SCRN1: variants seen among roughly 807,000 people sequenced by gnomAD.
SCRN1 encodes secernin 1.
SCRN1 carries 19 observed loss-of-function variants against 43.3 expected under a neutral mutation model. The ratio of observed to expected loss-of-function variants is 0.44; its 90% CI spans 0.31 to 0.64. The LOEUF is 0.64. Ranked by LOEUF, SCRN1 falls within the 30% of genes least tolerant of loss-of-function variation. SCRN1 has a pLI of 0.09. For missense variants in SCRN1, 447 were observed against 524.1 expected (o/e 0.85, Z 1.44); for synonymous variants, 183 against 188.9 (o/e 0.97, Z 0.26).
intron 4 of SCRN1, 27 bp downstream of exon 4, chr7:29,943,950 A>G (rs774200622): frequency 1.2e-6 from 2 of 1,611,426 alleles, no homozygotes; most frequent in South Asian, 2.2e-5. Context: ...CTGTCCTCAG[A>G]ACTCTCCATC....
intron 3 of SCRN1, chr7:29,947,298 C>G (rs907519524): frequency 1.7e-5 from 26 of 1,550,698 alleles, no homozygotes; most frequent in South Asian, 2.4e-5. Flanking sequence ...TCACCCTGCC[C>G]GTTCCTGAAA....
intron 3 of SCRN1, among the ~76,000 whole-genome samples, chr7:29,945,617 T>C (rs1326071428): frequency 2.6e-5 from 4 of 152,138 alleles, no homozygotes; most frequent in Admixed American, 2.6e-4. Context: ...TTTCTGGAGG[T>C]AGAACACTGT....
At chr7:29,967,174 A>AACAC (rs142917231) in intron 2 of SCRN1, among the ~76,000 whole-genome samples, 191 of 148,362 alleles carry the variant, frequency 1.3e-3, no homozygotes, top group African/African-American at 4.1e-3. Flanking sequence ...CTACCATCTA[A>AACAC]ACACACACAC....
rs1787337584 is a variant in SCRN1, at chr7:29,936,624, C to T, written c.837G>A (p.Val279=). 1.2e-6 allele frequency: 2 copies of T among 1,608,150 alleles called. No individual in the cohort carries two copies. Among genetic ancestry groups the T allele is most frequent in the African/African-American group, 1.3e-5 (1 of 74,890 alleles). The change falls in exon 6 of 8, where the codon GTG becomes GTA. Residue 279 remains valine, a synonymous_variant. Coordinates refer to ENST00000242059, the MANE Select transcript of SCRN1 (RefSeq NM_014766.5). ...SEFFLTTASG[V]SVLPQNRSSP... Reference sequence around the variant, plus strand: ...AGCTTCTATTCTGCGGCAGGACAGACACTCCACTGGCTGTGGTGAGGAAAA... The same window carrying T: ...AGCTTCTATTCTGCGGCAGGACAGATACTCCACTGGCTGTGGTGAGGAAAA...
At chr7:29,983,389 A>C (rs1318050645) in intron 1 of SCRN1, among the ~76,000 whole-genome samples, 2 of 151,968 alleles carry the variant, frequency 1.3e-5, no homozygotes, top group East Asian at 3.9e-4. Context: ...CCGGCATGGC[A>C]CATGTATACA....
At chr7:29,971,543 G>A (rs943240797) in intron 1 of SCRN1, among the ~76,000 whole-genome samples, 1 of 151,760 alleles carries the variant, frequency 6.6e-6, no homozygotes, top group African/African-American at 2.4e-5. Context: ...TGAGGAGGGA[G>A]GATCATTTGA....
At position 29,936,705 on chromosome 7, in the gene SCRN1, C is replaced by A; in HGVS notation, c.756G>T (p.Gln252His). 6.4e-7 allele frequency: 1 copy of A among 1,553,830 alleles called. No homozygotes were observed. Among genetic ancestry groups the A allele is most frequent in the Non-Finnish European group, 8.8e-7 (1 of 1,137,992 alleles). ...LEKQEESITV[Q>H]TMMNTLRDKA... ...TGTCCCGTAAGGTGTTCATCATAGT[C>A]TGCACTGTGATGCTTTCTGCAAAAA... Residue 252 changes from glutamine to histidine, a missense_variant, in exon 6 of 8, where the codon CAG (glutamine) becomes CAT (histidine). Coordinates refer to ENST00000242059, the MANE Select transcript of SCRN1 (RefSeq NM_014766.5).
chr7:29,926,403 TCGCC>T lies in SCRN1; in HGVS notation c.1086+45_1086+48del, dbSNP rs753956761. 7 of 1,592,060 alleles carry T rather than the reference TCGCC, an allele frequency of 4.4e-6. No homozygotes were observed. The Admixed American group carries it at 1.0e-4, about 23-fold the overall frequency. On this transcript the variant is annotated intron_variant, in intron 7 of 7. Transcript: ENST00000242059. ...TTCCCTGCCTCCTTCCTCGCTGACCTCGCCCGCCCGCCTCCGCCTCCGCCTCTGT... is the reference window on the plus strand; with the variant it reads ...TTCCCTGCCTCCTTCCTCGCTGACCTCGCCCGCCTCCGCCTCCGCCTCTGT...
intron 1 of SCRN1, among the ~76,000 whole-genome samples, chr7:29,973,504 A>G (rs1788723905): frequency 6.6e-6 from 1 of 152,362 alleles, no homozygotes; most frequent in East Asian, 1.9e-4. Flanking sequence ...CGGAGCCAAG[A>G]AATTAAAAAG....
intron 2 of SCRN1, among the ~76,000 whole-genome samples, chr7:29,968,170 T>C (rs1000696349): frequency 6.6e-6 from 1 of 152,196 alleles, no homozygotes; most frequent in African/African-American, 2.4e-5. Context: ...GACAGATGCA[T>C]AAGGCTGTTA....
intron 1 of SCRN1, among the ~76,000 whole-genome samples, chr7:29,983,932 G>A (rs1378967099): frequency 6.6e-6 from 1 of 152,118 alleles, no homozygotes; most frequent in Non-Finnish European, 1.5e-5. Context: ...TTGGCCAGGC[G>A]CAGTGGCTCA....
At chr7:29,925,025 C>T (rs905643794) in intron 7 of SCRN1, among the ~76,000 whole-genome samples, 4 of 152,122 alleles carry the variant, frequency 2.6e-5, no homozygotes, top group African/African-American at 9.7e-5. Context: ...AACCAAATAC[C>T]CAAAACACCA....
intron 4 of SCRN1, among the ~76,000 whole-genome samples, chr7:29,943,016 C>A (rs2128090496): frequency 6.6e-6 from 1 of 152,304 alleles, no homozygotes; most frequent in Admixed American, 6.5e-5. Flanking sequence ...GTTCAATTCA[C>A]CCCTAAGATA....
At chr7:29,947,267 C>G (rs1208720750) in intron 3 of SCRN1, 1 of 1,550,778 alleles carries the variant, frequency 6.4e-7, no homozygotes, top group East Asian at 2.4e-5. Flanking sequence ...AGCCCATGAC[C>G]TTCTCACAGG....
rs9912 is a variant in SCRN1, at chr7:29,920,595, C to A, written c.*3362G>T. ...CCGTCCCTCCTCCACGTGCTTCCTT[C>A]CTAAGGCTGAGAGCTCAACTGAAGA... On this transcript the variant is annotated 3_prime_UTR_variant, in exon 8 of 8. Coordinates refer to ENST00000242059, the MANE Select transcript of SCRN1 (RefSeq NM_014766.5). 29,464 of 152,146 alleles carry A rather than the reference C, an allele frequency of 0.19. 2,998 individuals carry two copies. Among genetic ancestry groups the A allele is most frequent in the Middle Eastern group, 0.23 (68 of 296 alleles). 9.4% of individuals were successfully genotyped at this position (152,146 alleles called of 1,614,324 possible).
At position 29,989,759 on chromosome 7, in the gene SCRN1, A is replaced by G. The variant is rs980414996; in HGVS notation, c.-119T>C. The G allele has an allele frequency of 3.0e-6, 3 of 986,088 alleles. No individual in the cohort carries two copies. The highest frequency in any genetic ancestry group is 4.7e-5 in the South Asian group (1 of 21,266). The allele number at this position is 986,088 out of a possible 1,614,324, so 61.1% of individuals were successfully genotyped here. ...CGGCGACCTCGGGGGCTGCAGCTGC[A>G]GTGGCGGAGGCGGCCGCCGGGCGCT... On this transcript the variant is annotated 5_prime_UTR_variant, in exon 1 of 8. Coordinates refer to ENST00000242059, the MANE Select transcript of SCRN1 (RefSeq NM_014766.5).
At chr7:29,956,901 T>C (rs774104227) in intron 2 of SCRN1, among the ~76,000 whole-genome samples, 8 of 152,170 alleles carry the variant, frequency 5.3e-5, no homozygotes, top group Non-Finnish European at 1.0e-4. Flanking sequence ...CAAACTCTGC[T>C]CCTCTGTGCT....
chr7:29,928,720 G>C (rs764680356), intron 6 of SCRN1, among the ~76,000 whole-genome samples: 1 of 152,106 alleles, frequency 6.6e-6, no homozygotes, highest in African/African-American at 2.4e-5. Flanking sequence ...TAAAGACATA[G>C]GGGAGCTACC....
chr7:29,971,784 T>C (rs1788672844), intron 1 of SCRN1, among the ~76,000 whole-genome samples: 2 of 152,350 alleles, frequency 1.3e-5, no homozygotes, highest in East Asian at 1.9e-4. Flanking sequence ...ATTCTATGTT[T>C]AGAAACCTCT....
Sources: gnomAD v4.1 joint callset for allele counts (sites outside exome capture counted in the v4.1 genomes callset) on GRCh38, gnomAD v4.1.1 for gene constraint, MANE v1.5 for transcripts, NCBI Gene and HGNC (gene_info 2026-07-23, HGNC 2026-07-21) for gene names.